DNAJC24: variants seen among roughly 807,000 people sequenced by gnomAD.
DNAJC24 encodes the protein dnaJ homolog subfamily C member 24.
Under a neutral mutation model 18.0 loss-of-function variants are expected in DNAJC24, and 17 were observed. That is an observed-to-expected ratio of 0.94 (90% CI 0.65 to 1.42). The LOEUF (loss-of-function observed/expected upper bound fraction) is 1.42. Among genes scored for constraint, DNAJC24 ranks in the 40% most tolerant of loss-of-function variants. The probability of loss-of-function intolerance (pLI) is 0.00; values close to 1 mark genes in which losing one functional copy is unlikely to be tolerated. For missense variants in DNAJC24, 158 were observed against 175.6 expected (o/e 0.90, Z 0.57); for synonymous variants, 55 against 57.7 (o/e 0.95, Z 0.21).
In DNAJC24 at chr11:31,410,129, C is replaced by T. The variant is rs575129208; in HGVS notation, c.112-4682C>T. 5.9e-5 allele frequency among the ~76,000 whole-genome samples: 9 copies of T among 152,192 alleles called. No individual in the cohort carries two copies. The East Asian group carries it at 1.5e-3, about 26-fold the overall frequency. On this transcript the variant is annotated intron_variant, in intron 2 of 4. Transcript: ENST00000465995. ...AACTCCTGACCTCAGGTGATCTGCC[C>T]ACCTTGGCCTCCCAAAGTGCTGGGA...
intron 3 of DNAJC24, among the ~76,000 whole-genome samples, chr11:31,424,506 T>G (rs554665107): frequency 2.0e-5 from 3 of 152,226 alleles, no homozygotes; most frequent in East Asian, 3.9e-4. Context: ...AAAATAGGAG[T>G]ATCTGAAGAG....
intron 2 of DNAJC24, among the ~76,000 whole-genome samples, chr11:31,413,210 T>C (rs1406332380): frequency 6.6e-6 from 1 of 151,766 alleles, no homozygotes; most frequent in Non-Finnish European, 1.5e-5. Flanking sequence ...TGTAAAAACT[T>C]GGAAAAAAGA....
At chr11:31,401,186 G>A (rs989867638) in intron 2 of DNAJC24, among the ~76,000 whole-genome samples, 26 of 152,254 alleles carry the variant, frequency 1.7e-4, no homozygotes, top group African/African-American at 6.3e-4. Context: ...ACCATCTCAC[G>A]CCAGTCAGAA....
intron 2 of DNAJC24, among the ~76,000 whole-genome samples, chr11:31,385,664 G>A (rs959215008): frequency 2.0e-5 from 3 of 152,166 alleles, no homozygotes; most frequent in Non-Finnish European, 4.4e-5. Flanking sequence ...GGTTTCTTGA[G>A]TGTTCTTTTT....
At chr11:31,408,122 T>C (rs1275909004) in intron 2 of DNAJC24, 1 of 456,266 alleles carries the variant, frequency 2.2e-6, no homozygotes, top group East Asian at 6.9e-5. Flanking sequence ...TATTGGATTT[T>C]TTCCCCCTCT....
intron 2 of DNAJC24, chr11:31,408,361 G>C: frequency 2.7e-6 from 1 of 365,770 alleles, no homozygotes; most frequent in Non-Finnish European, 5.4e-6. Flanking sequence ...TTTGTAACAA[G>C]CTCTCAGATG....
At chr11:31,419,116 T>C (rs758603482) in intron 3 of DNAJC24, among the ~76,000 whole-genome samples, 9 of 152,132 alleles carry the variant, frequency 5.9e-5, no homozygotes, top group Non-Finnish European at 1.3e-4. Flanking sequence ...GATATTTGTG[T>C]AATTATGTCC....
chr11:31,420,213 C>T lies in DNAJC24; in HGVS notation c.250+5264C>T, dbSNP rs540184003. On this transcript the variant is annotated intron_variant, in intron 3 of 4. Coordinates refer to ENST00000465995, the MANE Select transcript of DNAJC24 (RefSeq NM_181706.5). ...GCCCATTTAGAGGCTCCCAGACACACGTCTGTTTATACTGCTTGTTATTAA... is the reference window on the plus strand; with the variant it reads ...GCCCATTTAGAGGCTCCCAGACACATGTCTGTTTATACTGCTTGTTATTAA... Among the ~76,000 whole-genome samples the T allele has an allele frequency of 8.5e-5, 13 of 152,150 alleles. No individual in the cohort carries two copies. The East Asian group carries it at 1.9e-3, about 23-fold the overall frequency.
At chr11:31,397,172 C>A (rs1344757461) in intron 2 of DNAJC24, among the ~76,000 whole-genome samples, 1 of 152,148 alleles carries the variant, frequency 6.6e-6, no homozygotes, top group Non-Finnish European at 1.5e-5. Flanking sequence ...GACTGTGAGT[C>A]CCTCAAGGAT....
intron 2 of DNAJC24, among the ~76,000 whole-genome samples, chr11:31,396,976 A>G (rs1391423358): frequency 6.6e-6 from 1 of 152,178 alleles, no homozygotes; most frequent in African/African-American, 2.4e-5. Flanking sequence ...TTTCCTTCCC[A>G]ATCCTACACA....
intron 2 of DNAJC24, among the ~76,000 whole-genome samples, chr11:31,397,555 C>A (rs1457165389): frequency 6.6e-6 from 1 of 151,028 alleles, no homozygotes; most frequent in Non-Finnish European, 1.5e-5. Flanking sequence ...TACTCTGATA[C>A]CTAACTTTTT....
At chr11:31,408,134 T>C in intron 2 of DNAJC24, 1 of 456,244 alleles carries the variant, frequency 2.2e-6, no homozygotes, top group South Asian at 1.5e-5. Flanking sequence ...TCCCCCTCTT[T>C]TTGGTGTACA....
chr11:31,418,898 C>G (rs533827240), intron 3 of DNAJC24, among the ~76,000 whole-genome samples: 2 of 151,898 alleles, frequency 1.3e-5, no homozygotes, highest in Non-Finnish European at 2.9e-5. Flanking sequence ...ATAAATGGAA[C>G]GAAATATAAG....
At chr11:31,377,412 C>G (rs1401897241) in intron 2 of DNAJC24, among the ~76,000 whole-genome samples, 1 of 152,046 alleles carries the variant, frequency 6.6e-6, no homozygotes, top group Non-Finnish European at 1.5e-5. Flanking sequence ...TAAAGACATT[C>G]ACATACCATA....
intron 2 of DNAJC24, among the ~76,000 whole-genome samples, chr11:31,398,487 G>A (rs1482701524): frequency 6.6e-6 from 1 of 152,028 alleles, no homozygotes; most frequent in Admixed American, 6.5e-5. Context: ...AAGAATATTT[G>A]TACATTTTAG....
In DNAJC24 at chr11:31,431,411, A is replaced by G. The variant is rs1271158896; in HGVS notation, c.*1010A>G. ...AATGATCCGCCCACCTCAACCTCCCAAAGTGCTGGGATTGCAGGCGTGAGC... is the reference window on the plus strand; with the variant it reads ...AATGATCCGCCCACCTCAACCTCCCGAAGTGCTGGGATTGCAGGCGTGAGC... On this transcript the variant is annotated 3_prime_UTR_variant, in exon 5 of 5. Transcript: ENST00000465995. 1 of 151,298 alleles carries G rather than the reference A, an allele frequency of 6.6e-6. No individual in the cohort carries two copies. The highest frequency in any genetic ancestry group is 1.5e-5 in the Non-Finnish European group (1 of 67,810). 9.4% of individuals were successfully genotyped at this position (151,298 alleles called of 1,614,324 possible).
chr11:31,388,568 C>T (rs900663214), intron 2 of DNAJC24, among the ~76,000 whole-genome samples: 5 of 152,110 alleles, frequency 3.3e-5, no homozygotes, highest in Non-Finnish European at 7.4e-5. Flanking sequence ...CAGACAAATA[C>T]AAGCTGAGGG....
rs559128919 is a variant in DNAJC24, at chr11:31,378,136, A to G, written c.111+7277A>G. ...TTCTTTAAATAAGTCTTTTGAGTAC[A>G]TTACAAAGCAAAAGAGATCTTGATT... On this transcript the variant is annotated intron_variant, in intron 2 of 4. Coordinates refer to ENST00000465995, the MANE Select transcript of DNAJC24 (RefSeq NM_181706.5). Among the ~76,000 whole-genome samples the G allele has an allele frequency of 1.5e-4, 23 of 152,278 alleles. 1 individual carries two copies. The East Asian group carries it at 4.4e-3, about 29-fold the overall frequency.
rs1952924611 is a variant in DNAJC24 at position 31,431,605 on chromosome 11, A to T, written c.*1204A>T. 6.6e-6 allele frequency: 1 copy of T among 151,154 alleles called. No individual in the cohort carries two copies. The highest frequency in any genetic ancestry group is 2.1e-4 in the South Asian group (1 of 4,732). 9.4% of individuals were successfully genotyped at this position (151,154 alleles called of 1,614,324 possible). A position where few individuals can be genotyped will look rare whatever the true frequency, so the allele number is the denominator to read the frequency against. On this transcript the variant is annotated 3_prime_UTR_variant, in exon 5 of 5. Coordinates refer to ENST00000465995, the MANE Select transcript of DNAJC24 (RefSeq NM_181706.5). The stretch of plus-strand genomic sequence containing the variant: ...GGCAGGCGGATCACCTTTGGTCAGG[A>T]GTTCAAGACCACCCTGGCCAACATG...
Sources: gnomAD v4.1 joint callset for allele counts (sites outside exome capture counted in the v4.1 genomes callset) on GRCh38, gnomAD v4.1.1 for gene constraint, MANE v1.5 for transcripts, NCBI Gene and HGNC (gene_info 2026-07-23, HGNC 2026-07-21) for gene names.